The following UBR3 variants were observed in gnomAD, a reference collection of about 807,000 sequenced individuals.
UBR3 encodes the protein E3 ubiquitin-protein ligase UBR3.
Under a neutral mutation model 243.2 loss-of-function variants are expected in UBR3, and 85 were observed. That is an observed-to-expected ratio of 0.35 (90% CI 0.29 to 0.42). The LOEUF (loss-of-function observed/expected upper bound fraction) is 0.42, where lower values mean the gene tolerates loss of function less well. UBR3 is among the 10% of genes least tolerant of loss of function. The probability of loss-of-function intolerance (pLI) is 1.00; values close to 1 mark genes in which losing one functional copy is unlikely to be tolerated. For missense variants in UBR3, 1,686 were observed against 2,300.8 expected, an observed-to-expected ratio of 0.73 and a Z score of 5.47; for synonymous variants, 748 against 799.8, an observed-to-expected ratio of 0.94 and a Z score of 1.09.
intron 24 of UBR3, among the ~76,000 whole-genome samples, chr2:169,981,708 CATTA>C (rs2105384235): frequency 6.6e-6 from 1 of 152,044 alleles, no homozygotes; most frequent in Non-Finnish European, 1.5e-5. Flanking sequence ...AATATATATT[CATTA>C]ATTCTAACAG....
intron 32 of UBR3, among the ~76,000 whole-genome samples, chr2:170,042,688 CAA>C (rs59694680): frequency 1.3e-3 from 123 of 91,590 alleles, no homozygotes; most frequent in Middle Eastern, 7.2e-3. Flanking sequence ...TACTCTGCCT[CAA>C]AAAAAAAAAA....
intron 1 of UBR3, among the ~76,000 whole-genome samples, chr2:169,851,014 A>T (rs2082638513): frequency 6.6e-6 from 1 of 152,216 alleles, no homozygotes; most frequent in South Asian, 2.1e-4. Context: ...ATTTTGCCTT[A>T]AAAAAATCTG....
intron 1 of UBR3, among the ~76,000 whole-genome samples, chr2:169,834,067 C>T (rs1220330913): frequency 6.6e-6 from 1 of 152,156 alleles, no homozygotes; most frequent in Non-Finnish European, 1.5e-5. Flanking sequence ...GGATTATAGG[C>T]GTGAGCCACA....
At chr2:170,027,674 G>A (rs1183598266) in intron 30 of UBR3, among the ~76,000 whole-genome samples, 51 of 151,772 alleles carry the variant, frequency 3.4e-4, no homozygotes. Context: ...TGCAGCTTGA[G>A]ATAATCTTAG....
At chr2:170,009,185 T>A (rs2105406262) in intron 29 of UBR3, among the ~76,000 whole-genome samples, 1 of 152,254 alleles carries the variant, frequency 6.6e-6, no homozygotes, top group South Asian at 2.1e-4. Context: ...GAAAGTATGT[T>A]ACTAACATTT....
intron 1 of UBR3, among the ~76,000 whole-genome samples, chr2:169,851,376 G>A (rs187655679): frequency 2.6e-5 from 4 of 152,310 alleles, no homozygotes; most frequent in Admixed American, 2.6e-4. Context: ...TGATACGCCT[G>A]CCTCAACCTC....
At chr2:169,878,372 A>AG (rs2083695835) in intron 4 of UBR3, among the ~76,000 whole-genome samples, 153 bp from the exon 5 acceptor site, 1 of 151,658 alleles carries the variant, frequency 6.6e-6, no homozygotes, top group Non-Finnish European at 1.5e-5. Context: ...AAAAAAAAAA[A>AG]AAAAAGTTGG....
chr2:169,988,869 G>A (rs761470759), intron 25 of UBR3, among the ~76,000 whole-genome samples: 30 of 152,072 alleles, frequency 2.0e-4, no homozygotes, highest in Non-Finnish European at 4.3e-4. Flanking sequence ...AGTATAATAG[G>A]TGAATTCTCT....
intron 25 of UBR3, among the ~76,000 whole-genome samples, chr2:169,987,434 C>T (rs2089071541): frequency 6.7e-6 from 1 of 148,306 alleles, no homozygotes; most frequent in Non-Finnish European, 1.5e-5. Flanking sequence ...AACAATTGTT[C>T]TAAAATCTGG....
chr2:170,007,492 T>C (rs1483262868), intron 28 of UBR3, among the ~76,000 whole-genome samples: 7 of 152,126 alleles, frequency 4.6e-5, no homozygotes, highest in Non-Finnish European at 1.5e-5. Flanking sequence ...GCACGGTGGC[T>C]CACACCTGTA....
chr2:170,071,192 T>A (rs984855823), intron 35 of UBR3, among the ~76,000 whole-genome samples: 1 of 152,130 alleles, frequency 6.6e-6, no homozygotes, highest in Non-Finnish European at 1.5e-5. Flanking sequence ...AAGCATATGC[T>A]TACTATACAA....
chr2:169,960,960 TC>T (rs1365460674), intron 24 of UBR3, among the ~76,000 whole-genome samples: 1 of 152,140 alleles, frequency 6.6e-6, no homozygotes, highest in African/African-American at 2.4e-5. Context: ...CCTCTTTTCT[TC>T]CAGTCCCTTG....
chr2:169,864,528 C>G (rs2083188621), intron 1 of UBR3, among the ~76,000 whole-genome samples: 1 of 152,040 alleles, frequency 6.6e-6, no homozygotes, highest in African/African-American at 2.4e-5. Context: ...CTTTGGGAGG[C>G]CGATGCAGGC....
chr2:169,836,047 A>C (rs1462076154), intron 1 of UBR3, among the ~76,000 whole-genome samples: 89 of 13,022 alleles, frequency 6.8e-3, no homozygotes, highest in African/African-American at 8.9e-3. Flanking sequence ...CTCTCTCTAT[A>C]TATATATATA....
At chr2:169,903,737 T>C (rs2084914248) in intron 8 of UBR3, among the ~76,000 whole-genome samples, 1 of 152,138 alleles carries the variant, frequency 6.6e-6, no homozygotes, top group African/African-American at 2.4e-5. Flanking sequence ...TTAAAAAATA[T>C]GAGCCGGGTG....
rs1278870207 is a variant in UBR3, at chr2:169,949,988, A to T, written c.3468A>T (p.Ile1156=). 2 of 1,613,490 alleles carry T rather than the reference A, an allele frequency of 1.2e-6. No homozygotes were observed. The highest frequency in any genetic ancestry group is 2.7e-5 in the African/African-American group (2 of 74,920). The change falls in exon 23 of 39, where the codon ATA becomes ATT. Residue 1156 remains isoleucine (I), a synonymous_variant. Coordinates refer to ENST00000272793, the MANE Select transcript of UBR3 (RefSeq NM_172070.4). ...TGAACAAACGCATCATTGAAGAGAT[A>T]TGTAGAAAAGTGACCCCTCCTGTAC... ...SRMNKRIIEE[I]CRKVTPPVPP...
intron 24 of UBR3, among the ~76,000 whole-genome samples, chr2:169,960,410 G>T (rs971541991): frequency 3.7e-4 from 56 of 151,490 alleles, no homozygotes; most frequent in African/African-American, 1.3e-3. Flanking sequence ...AAACACTAAT[G>T]GTCCCAAGCG....
intron 18 of UBR3, among the ~76,000 whole-genome samples, chr2:169,930,181 C>G (rs551007371): frequency 6.6e-6 from 1 of 152,124 alleles, no homozygotes; most frequent in African/African-American, 2.4e-5. Context: ...CCCTGTGTCT[C>G]ACCTCCTATC....
chr2:169,878,534 G>A lies in UBR3; in HGVS notation c.998G>A (p.Gly333Asp). 1.3e-6 allele frequency: 2 copies of A among 1,551,300 alleles called. No homozygotes were observed. Among genetic ancestry groups the A allele is most frequent in the South Asian group, 1.2e-5 (1 of 83,876 alleles). Reference protein sequence around the residue: ...TSSLAVQGFIGATGTLGQVDS... With the variant: ...TSSLAVQGFIDATGTLGQVDS... ...TTCTTCTCCTCCAAAGGTTTCATAG[G>A]CGCAACAGGAACTTTGGGACAAGTG... Residue 333 changes from glycine (G) to aspartate (D), a missense_variant, in exon 5 of 39, where the codon GGC becomes GAC. Physicochemically the swap from Gly to Asp is moderately conservative, Grantham distance 94 (BLOSUM62 -1). This residue lies in a region of UBR3 where 200 missense variants were observed against 231.6 expected (regional missense o/e 0.86). Transcript: ENST00000272793.
Sources: allele counts gnomAD v4.1 joint callset (sites outside exome capture counted in the v4.1 genomes callset), GRCh38; gene constraint gnomAD v4.1.1; regional missense constraint gnomAD v4.1.1; transcripts MANE v1.5; gene names NCBI Gene and HGNC (gene_info 2026-07-23, HGNC 2026-07-21).